EPM2A: variants seen among roughly 807,000 people sequenced by gnomAD.
EPM2A encodes EPM2A glucan phosphatase, laforin.
EPM2A carries 21 observed loss-of-function variants against 26.5 expected under a neutral mutation model. The observed-to-expected ratio is 0.79, with a 90% CI of 0.56 to 1.14. EPM2A has a LOEUF of 1.14. Ranked by LOEUF, EPM2A falls within the 50% of genes most tolerant of loss-of-function variation. EPM2A has a pLI of 0.00. For missense variants in EPM2A, 458 were observed against 440.8 expected, an observed-to-expected ratio of 1.04 and a Z score of -0.35; for synonymous variants, 217 against 177.6, an observed-to-expected ratio of 1.22 and a Z score of -1.76.
At chr6:145,560,811 A>G (rs1780793862) in intron 2 of EPM2A, among the ~76,000 whole-genome samples, 2 of 152,118 alleles carry the variant, frequency 1.3e-5, no homozygotes, top group South Asian at 4.2e-4. Context: ...TATCCTGTAA[A>G]GTTTGTAAAC....
intron 4 of EPM2A, among the ~76,000 whole-genome samples, chr6:145,450,360 A>C (rs1309507892): frequency 6.6e-5 from 10 of 151,490 alleles, no homozygotes; most frequent in African/African-American, 2.2e-4. Context: ...CAAAAAAAAA[A>C]AAAAAAAAAA....
intron 3 of EPM2A, 37 bp from the exon 4 acceptor site, chr6:145,627,730 T>G (rs753276844): frequency 5.0e-6 from 8 of 1,609,760 alleles, no homozygotes; most frequent in Non-Finnish European, 6.8e-6. Flanking sequence ...TGTGAATAAC[T>G]AAACCACCAG....
chr6:145,581,496 T>G (rs1488260076), intron 2 of EPM2A, among the ~76,000 whole-genome samples: 4 of 152,244 alleles, frequency 2.6e-5, no homozygotes, highest in Admixed American at 6.5e-5. Flanking sequence ...GCTCTTTAGT[T>G]TAATTAGGTC....
intron 4 of EPM2A, chr6:145,489,918 A>T: frequency 7.4e-7 from 1 of 1,352,500 alleles, no homozygotes; most frequent in South Asian, 1.2e-5. Context: ...TCTGAATTCG[A>T]CCCACTTCTA....
chr6:145,727,655 G>C (rs185645999), intron 1 of EPM2A, among the ~76,000 whole-genome samples: 2 of 152,224 alleles, frequency 1.3e-5, no homozygotes, highest in East Asian at 3.9e-4. Flanking sequence ...TTACAATCTG[G>C]TAGGAGACAA....
chr6:145,547,443 A>C (rs150279886), intron 2 of EPM2A, among the ~76,000 whole-genome samples: 2 of 152,254 alleles, frequency 1.3e-5, no homozygotes, highest in Non-Finnish European at 2.9e-5. Flanking sequence ...CCCAATGATA[A>C]GCAAAGTGCA....
At chr6:145,679,811 G>T (rs756288103) in intron 2 of EPM2A, among the ~76,000 whole-genome samples, 3 of 152,164 alleles carry the variant, frequency 2.0e-5, no homozygotes, top group Non-Finnish European at 4.4e-5. Flanking sequence ...TAGCAACCTT[G>T]AGAGCTGTAA....
At chr6:145,650,243 A>G (rs1039930133) in intron 2 of EPM2A, among the ~76,000 whole-genome samples, 23 of 152,070 alleles carry the variant, frequency 1.5e-4, no homozygotes, top group African/African-American at 5.1e-4. Context: ...TAGTCTATAT[A>G]CCTTCTCAAA....
intron 1 of EPM2A, among the ~76,000 whole-genome samples, chr6:145,697,244 G>T (rs1583074184): frequency 6.6e-6 from 1 of 152,048 alleles, no homozygotes; most frequent in Admixed American, 6.6e-5. Flanking sequence ...GTTCCGTGAT[G>T]CCCCCGGAGC....
In EPM2A at chr6:145,443,742, A is replaced by C. The variant is rs182027269; in HGVS notation, c.555+58780T>G. Among the ~76,000 whole-genome samples the C allele has an allele frequency of 1.3e-3, 203 of 152,166 alleles. 1 individual carries two copies. Among genetic ancestry groups the C allele is most frequent in the Non-Finnish European group, 1.8e-3 (121 of 68,006 alleles). On this transcript the variant is annotated intron_variant, in intron 4 of 4. Coordinates refer to the EPM2A transcript ENST00000638717. ...TCACCTTGTAGCTCCCATAACTCCCATGTGTTGTGGAAGGGACCTAGTGGG... is the reference window on the plus strand; with the variant it reads ...TCACCTTGTAGCTCCCATAACTCCCCTGTGTTGTGGAAGGGACCTAGTGGG...
intron 2 of EPM2A, chr6:145,638,872 TG>T (rs1265982006): frequency 6.6e-6 from 1 of 152,192 alleles, no homozygotes; most frequent in African/African-American, 2.4e-5. Context: ...TAGGATTCAC[TG>T]GGGGTAACAA....
chr6:145,392,688 T>C (rs552456913), intron 4 of EPM2A, among the ~76,000 whole-genome samples: 1 of 152,118 alleles, frequency 6.6e-6, no homozygotes, highest in African/African-American at 2.4e-5. Flanking sequence ...ACAGACTCAG[T>C]TGAATTTGAA....
intron 2 of EPM2A, among the ~76,000 whole-genome samples, chr6:145,677,588 AG>A (rs1780157354): frequency 1.3e-5 from 2 of 152,360 alleles, no homozygotes; most frequent in South Asian, 4.1e-4. Flanking sequence ...GCAAAGTCTC[AG>A]AATACAAAAT....
At chr6:145,551,121 G>T (rs1215608678) in intron 2 of EPM2A, among the ~76,000 whole-genome samples, 2 of 151,912 alleles carry the variant, frequency 1.3e-5, no homozygotes, top group Non-Finnish European at 2.9e-5. Flanking sequence ...AATAAAATTT[G>T]ATTTTGATTT....
chr6:145,514,645 T>A (rs1034568347), intron 2 of EPM2A, among the ~76,000 whole-genome samples: 2 of 152,178 alleles, frequency 1.3e-5, no homozygotes, highest in East Asian at 1.9e-4. Flanking sequence ...GGGGGAAATT[T>A]TACCCTCCCT....
At chr6:145,637,673 A>C (rs899605976) in intron 2 of EPM2A, 1 of 152,224 alleles carries the variant, frequency 6.6e-6, no homozygotes. Flanking sequence ...TAGATATTCC[A>C]CTGGACCCAG....
chr6:145,387,593 ACTGTCTGGGGG>A (rs1679353509), intron 4 of EPM2A, among the ~76,000 whole-genome samples: 1 of 151,918 alleles, frequency 6.6e-6, no homozygotes, highest in African/African-American at 2.4e-5. Context: ...ATCTATTCCC[ACTGTCTGGGGG>A]CTGTCATCCA....
chr6:145,631,440 T>C (rs1406742974), intron 3 of EPM2A: 1 of 152,216 alleles, frequency 6.6e-6, no homozygotes, highest in African/African-American at 2.4e-5. Flanking sequence ...GTAAATCCTT[T>C]GCAGGTCAAA....
At chr6:145,446,251 A>G (rs1465440379) in intron 4 of EPM2A, among the ~76,000 whole-genome samples, 1 of 152,222 alleles carries the variant, frequency 6.6e-6, no homozygotes, top group Admixed American at 6.5e-5. Context: ...AATCATGAAT[A>G]TGTTCTATGC....
Sources: allele counts gnomAD v4.1 joint callset (sites outside exome capture counted in the v4.1 genomes callset), GRCh38; gene constraint gnomAD v4.1.1; transcripts MANE v1.5; gene names NCBI Gene and HGNC (gene_info 2026-07-23, HGNC 2026-07-21).